The following ATF7 variants were observed in gnomAD, a reference collection of about 807,000 sequenced individuals.
The protein encoded by ATF7 is cyclic AMP-dependent transcription factor ATF-7.
ATF7 carries 10 observed loss-of-function variants against 50.4 expected under a neutral mutation model. The ratio of observed to expected loss-of-function variants is 0.20; its 90% confidence interval spans 0.12 to 0.34. ATF7 has a LOEUF of 0.34. ATF7 is among the 10% of genes least tolerant of loss of function. ATF7 has a pLI of 1.00. For missense variants in ATF7, 465 were observed against 613.9 expected (o/e 0.76, Z 2.56); for synonymous variants, 201 against 226.4 (o/e 0.89, Z 1.01).
chr12:53,511,063 C>T (rs1944118339), downstream of ATF7, among the ~76,000 whole-genome samples: 1 of 152,238 alleles, frequency 6.6e-6, no homozygotes, highest in South Asian at 2.1e-4. Flanking sequence ...TAAGTCATTT[C>T]TCTCCTACTG....
At chr12:53,543,143 T>A in intron 4 of ATF7, 187 bp downstream of exon 4, 1 of 1,485,656 alleles carries the variant, frequency 6.7e-7, no homozygotes, top group Admixed American at 2.3e-5. Context: ...TGCTGATCCA[T>A]CATCTGGAAC....
rs1218299184 is a variant in ATF7, at chr12:53,524,250, C to T, written c.1125+314G>A. Reference sequence around the variant, plus strand: ...CATTATCTAGGGCAAACACATTTCCCTTTTGGTTTTCATGACCCCAGTCAG... The same window carrying T: ...CATTATCTAGGGCAAACACATTTCCTTTTTGGTTTTCATGACCCCAGTCAG... On this transcript the variant is annotated intron_variant, in intron 10 of 11. Transcript: ENST00000420353. This position sits in a 1 kb window ranked among gnomAD's most constrained non-coding sequence, Gnocchi z 4.6. Among the ~76,000 whole-genome samples the T allele has an allele frequency of 4.6e-5, 7 of 151,998 alleles. No homozygotes were observed. Among genetic ancestry groups the T allele is most frequent in the African/African-American group, 1.7e-4 (7 of 41,356 alleles).
intron 2 of ATF7, among the ~76,000 whole-genome samples, chr12:53,558,537 TC>T (rs1323800223): frequency 2.6e-5 from 4 of 152,198 alleles, no homozygotes; most frequent in Non-Finnish European, 5.9e-5. Context: ...GGACTCCAGA[TC>T]TGCAAATACT....
At position 53,517,125 on chromosome 12, in the gene ATF7, C is replaced by T; in HGVS notation, c.*12G>A. 1.2e-6 allele frequency: 2 copies of T among 1,608,208 alleles called. No homozygotes were observed. Among genetic ancestry groups the T allele is most frequent in the African/African-American group, 1.3e-5 (1 of 75,050 alleles). Reference sequence around the variant, plus strand: ...CGAGCTCTGGCTGAGGACCTCTCCACCAGAGGAGGCATCATCTGCCCGCAG... The same window carrying T: ...CGAGCTCTGGCTGAGGACCTCTCCATCAGAGGAGGCATCATCTGCCCGCAG... On this transcript the variant is annotated 3_prime_UTR_variant, in exon 12 of 12. Coordinates refer to ENST00000420353, the MANE Select transcript of ATF7 (RefSeq NM_006856.3).
In ATF7 at chr12:53,516,829, CAG is replaced by C. The variant is rs1451376311; in HGVS notation, c.*306_*307del. The C allele has an allele frequency of 2.8e-6, 1 of 360,786 alleles. No homozygotes were observed. The highest frequency in any genetic ancestry group is 5.3e-6 in the Non-Finnish European group (1 of 190,418). The allele number at this position is 360,786 out of a possible 1,614,324, so 22.3% of individuals were successfully genotyped here. On this transcript the variant is annotated 3_prime_UTR_variant, in exon 12 of 12. Transcript: ENST00000420353. ...TGCCAAGGGTTAGTGTTAAAAGAGA[CAG>C]ATACACGTGCATGGGGCAGGGGTGA...
At chr12:53,622,349 G>A (rs1001417758) in intron 1 of ATF7, among the ~76,000 whole-genome samples, 1 of 150,766 alleles carries the variant, frequency 6.6e-6, no homozygotes, top group African/African-American at 2.4e-5. Context: ...GGCCGGGCGT[G>A]GTGGCTCACA....
chr12:53,584,041 G>A (rs1442084321), intron 2 of ATF7, among the ~76,000 whole-genome samples: 4 of 152,198 alleles, frequency 2.6e-5, no homozygotes, highest in Admixed American at 2.0e-4. Context: ...GTACAGTGGC[G>A]TGATCTTGGC....
intron 2 of ATF7, among the ~76,000 whole-genome samples, chr12:53,558,300 T>C (rs1470669513): frequency 6.6e-6 from 1 of 152,186 alleles, no homozygotes; most frequent in African/African-American, 2.4e-5. Flanking sequence ...TATTGTATGG[T>C]GCACAGGACA....
intron 11 of ATF7, among the ~76,000 whole-genome samples, chr12:53,520,700 T>C (rs1938066358): frequency 1.3e-5 from 2 of 152,156 alleles, no homozygotes; most frequent in Non-Finnish European, 2.9e-5. Context: ...ACTGAGTTCC[T>C]GATATACCTC....
In ATF7 at chr12:53,524,442, G is replaced by C; in HGVS notation, c.1125+122C>G. 1 of 1,121,356 alleles carries C rather than the reference G, an allele frequency of 8.9e-7. No individual in the cohort carries two copies. The highest frequency in any genetic ancestry group is 1.3e-6 in the Non-Finnish European group (1 of 794,832). The allele number at this position is 1,121,356 out of a possible 1,614,324, so 69.5% of individuals were successfully genotyped here. A position where few individuals can be genotyped will look rare whatever the true frequency, so the allele number is the denominator to read the frequency against. ...CTGACCGTTAAGAGATTCTTCATGG[G>C]ACAACTAGATCTGTCCTAATTAGAG... On this transcript the variant is annotated intron_variant, in intron 10 of 11. Coordinates refer to ENST00000420353, the MANE Select transcript of ATF7 (RefSeq NM_006856.3). This position sits in a 1 kb window ranked among gnomAD's most constrained non-coding sequence, Gnocchi z 4.6.
At chr12:53,617,749 A>T (rs990748818) in intron 1 of ATF7, among the ~76,000 whole-genome samples, 2 of 152,184 alleles carry the variant, frequency 1.3e-5, no homozygotes, top group African/African-American at 4.8e-5. Context: ...CTTTTTATAC[A>T]AGTTTATCTT....
chr12:53,588,858 G>A (rs957247196), intron 2 of ATF7, among the ~76,000 whole-genome samples: 13 of 152,120 alleles, frequency 8.5e-5, no homozygotes, highest in African/African-American at 3.1e-4. Context: ...TCATTACCAG[G>A]CAGATAAAAA....
intron 5 of ATF7, among the ~76,000 whole-genome samples, chr12:53,536,523 C>T (rs893046748): frequency 2.0e-5 from 3 of 151,890 alleles, no homozygotes; most frequent in African/African-American, 7.2e-5. Flanking sequence ...GTGATTCCAC[C>T]ACCTCGGCCT....
intron 4 of ATF7, among the ~76,000 whole-genome samples, chr12:53,540,875 G>A (rs1165140919): frequency 6.6e-6 from 1 of 152,048 alleles, no homozygotes; most frequent in Non-Finnish European, 1.5e-5. Flanking sequence ...AGGATCATAG[G>A]CGTGTGCTAC....
Position 53,531,731 on chromosome 12 carries a change from A to C in ATF7, c.927+13T>G, listed in dbSNP as rs771426037. On this transcript the variant is annotated intron_variant, in intron 9 of 11. Transcript: ENST00000420353. ...GTCATAAAGATATGACATAAAGAGTAAGAGCCACTGACCTGTGGCTGGGCA... is the reference window on the plus strand; with the variant it reads ...GTCATAAAGATATGACATAAAGAGTCAGAGCCACTGACCTGTGGCTGGGCA... 4.5e-5 allele frequency: 72 copies of C among 1,606,306 alleles called. No homozygotes were observed. Among genetic ancestry groups the C allele is most frequent in the Non-Finnish European group, 6.0e-5 (71 of 1,176,578 alleles).
chr12:53,596,872 C>T (rs2046433), intron 2 of ATF7, among the ~76,000 whole-genome samples: 27,806 of 151,954 alleles, frequency 0.18, 3,056 homozygotes, highest in East Asian at 0.55. Context: ...TAAATAGATG[C>T]TATCTTATAA....
At chr12:53,555,862 C>T (rs937276661) in intron 2 of ATF7, among the ~76,000 whole-genome samples, 3 of 151,862 alleles carry the variant, frequency 2.0e-5, no homozygotes, top group African/African-American at 7.3e-5. Flanking sequence ...GTTGCCCAGG[C>T]TGGAGTCCAA....
intron 2 of ATF7, among the ~76,000 whole-genome samples, chr12:53,584,450 A>C (rs1942583251): frequency 6.6e-6 from 1 of 152,250 alleles, no homozygotes; most frequent in Admixed American, 6.5e-5. Flanking sequence ...TTTGGAAGAC[A>C]GTTTGACAGT....
intron 2 of ATF7, among the ~76,000 whole-genome samples, chr12:53,553,215 G>A (rs1404855707): frequency 6.6e-6 from 1 of 152,166 alleles, no homozygotes; most frequent in Non-Finnish European, 1.5e-5. Flanking sequence ...TGGAGCTGTA[G>A]AGGACCAAGG....
Sources: allele counts gnomAD v4.1 joint callset (sites outside exome capture counted in the v4.1 genomes callset), GRCh38; gene constraint gnomAD v4.1.1; non-coding constraint Gnocchi (gnomAD v3.1); transcripts MANE v1.5; gene names NCBI Gene and HGNC (gene_info 2026-07-23, HGNC 2026-07-21).